The following PLEKHM1 variants were observed in gnomAD, a reference collection of about 807,000 sequenced individuals.
PLEKHM1 encodes pleckstrin homology and RUN domain containing M1.
PLEKHM1 carries 28 observed loss-of-function variants against 94.3 expected under a neutral mutation model. The ratio of observed to expected loss-of-function variants is 0.30; its 90% confidence interval spans 0.22 to 0.41. The LOEUF (loss-of-function observed/expected upper bound fraction) is 0.41, where lower values mean the gene tolerates loss of function less well. Among genes scored for constraint, PLEKHM1 ranks in the 10% least tolerant of loss-of-function variants. The pLI, the probability that PLEKHM1 is intolerant of heterozygous loss-of-function variation, is 1.00. For synonymous variants in PLEKHM1, 424 were observed against 581.2 expected (o/e 0.73, Z 3.89); for missense variants, 907 against 1,358.6 (o/e 0.67, Z 5.22).
chr17:45,485,081 C>A (rs1014122368), intron 1 of PLEKHM1, among the ~76,000 whole-genome samples: 4 of 151,780 alleles, frequency 2.6e-5, no homozygotes, highest in Non-Finnish European at 5.9e-5. Flanking sequence ...TCAGTCCTGA[C>A]TACAGCCCCA....
chr17:45,447,404 C>G (rs1183544113), intron 8 of PLEKHM1, among the ~76,000 whole-genome samples: 1 of 152,282 alleles, frequency 6.6e-6, no homozygotes, highest in African/African-American at 2.4e-5. Flanking sequence ...TAACTCAGCT[C>G]TTCCCATGAC....
At position 45,444,598 on chromosome 17, in the gene PLEKHM1, C is replaced by T. The variant is rs1455367937; in HGVS notation, c.2837+872G>A. On this transcript the variant is annotated intron_variant, in intron 9 of 11. Transcript: ENST00000430334. The surrounding 1 kb of genome is among the most constrained non-coding windows in gnomAD (Gnocchi z 5.0). The stretch of plus-strand genomic sequence containing the variant: ...GATGGGAACATCTGGCCCTCACCTG[C>T]CTCTCGCCACACTCCCCACTTCCCT... 1.5e-4 allele frequency among the ~76,000 whole-genome samples: 23 copies of T among 152,314 alleles called. No homozygotes were observed. The highest frequency in any genetic ancestry group is 2.2e-4 in the Non-Finnish European group (15 of 68,020).
intron 4 of PLEKHM1, 148 bp from the exon 5 acceptor site, chr17:45,468,741 G>C (rs1402982599): frequency 2.4e-6 from 2 of 828,872 alleles, no homozygotes; most frequent in Admixed American, 4.4e-5. Flanking sequence ...TCCCCCTCAC[G>C]CAGTCCTCCT....
In PLEKHM1 at chr17:45,453,438, G is replaced by C; in HGVS notation, c.2414C>G (p.Thr805Ser). 2 of 1,613,084 alleles carry C rather than the reference G, an allele frequency of 1.2e-6. No homozygotes were observed. Among genetic ancestry groups the C allele is most frequent in the Non-Finnish European group, 1.7e-6 (2 of 1,179,520 alleles). The part of the protein sequence containing the change: ...ENCQEVLKFA[T>S]RENGFLLQYL... ...CTGCAGCAGGAAGCCATTCTCCCGG[G>C]TGGCAAATTTCAGCACCTCCTGACA... Residue 805 changes from threonine (T) to serine (S), a missense_variant, in exon 7 of 12, where the codon ACC (threonine) becomes AGC (serine). This residue lies in a region of PLEKHM1 where 254 missense variants were observed against 451.1 expected (regional missense o/e 0.56). Transcript: ENST00000430334. The surrounding 1 kb of genome is among the most constrained non-coding windows in gnomAD (Gnocchi z 4.1).
intron 1 of PLEKHM1, among the ~76,000 whole-genome samples, chr17:45,490,423 TG>T (rs2052277178): frequency 6.8e-6 from 1 of 146,382 alleles, no homozygotes; most frequent in African/African-American, 2.5e-5. Flanking sequence ...GGGCGCGGGC[TG>T]GGGGCTGGAC....
Position 45,481,799 on chromosome 17 carries a change from T to G in PLEKHM1, c.48+638A>C, listed in dbSNP as rs1339407887. Among the ~76,000 whole-genome samples, 4 of 151,928 alleles carry G rather than the reference T, an allele frequency of 2.6e-5. No individual in the cohort carries two copies. In the East Asian group the frequency reaches 7.7e-4, roughly 29 times the overall value. Reference sequence around the variant, plus strand: ...GAGCTACAGTTTCTTTCAAGCAGAGTTCTCTGAGCTGGGAAGCAGCAGTGG... The same window carrying G: ...GAGCTACAGTTTCTTTCAAGCAGAGGTCTCTGAGCTGGGAAGCAGCAGTGG... On this transcript the variant is annotated intron_variant, in intron 2 of 11. Transcript: ENST00000430334.
At position 45,467,329 on chromosome 17, in the gene PLEKHM1, G is replaced by A. The variant is rs577304951; in HGVS notation, c.1308+880C>T. Among the ~76,000 whole-genome samples the A allele has an allele frequency of 2.5e-4, 38 of 152,218 alleles. No individual in the cohort carries two copies. The South Asian group carries it at 6.0e-3, about 24-fold the overall frequency. On this transcript the variant is annotated intron_variant, in intron 5 of 11. Transcript: ENST00000430334. ...TCATACTAAGTTATTGAAATCCAGC[G>A]CTTATTTCACATGGCACATCTCCAT...
chr17:45,489,090 T>C (rs1178570120), intron 1 of PLEKHM1, among the ~76,000 whole-genome samples: 1 of 152,202 alleles, frequency 6.6e-6, no homozygotes, highest in Non-Finnish European at 1.5e-5. Context: ...AATGTCCTTC[T>C]GCCTCAGCTA....
At chr17:45,466,505 G>T (rs529989024) in intron 5 of PLEKHM1, among the ~76,000 whole-genome samples, 8 of 152,220 alleles carry the variant, frequency 5.3e-5, no homozygotes, top group Non-Finnish European at 1.0e-4. Context: ...TACTATTTTT[G>T]TCCAATAAAA....
chr17:45,468,893 TGAGCAGGCTAGCTGTGGGCCTGGA>T (rs928994716), intron 4 of PLEKHM1, among the ~76,000 whole-genome samples: 8 of 152,090 alleles, frequency 5.3e-5, no homozygotes, highest in African/African-American at 1.9e-4. Context: ...ACTGGCATTC[TGAGCAGGCTAGCTGTGGGCCTGGA>T]GAGCTTGCTC....
In PLEKHM1 at chr17:45,445,580, G is replaced by T; in HGVS notation, c.2727C>A (p.Tyr909Ter). ...INLQMVNASL[Y>*]EHVERMHLIG... ...TGAGGTGCATCCGCTCCACATGCTCGTACAGAGACGCGTTCACCATCTGCA... is the reference window on the plus strand; with the variant it reads ...TGAGGTGCATCCGCTCCACATGCTCTTACAGAGACGCGTTCACCATCTGCA... The change falls in exon 9 of 12, where the codon TAC (tyrosine) becomes TAA (stop). Residue 909 changes from tyrosine (Y) to a stop codon, truncating the protein, a stop_gained. Coordinates refer to ENST00000430334, the MANE Select transcript of PLEKHM1 (RefSeq NM_014798.3). LOFTEE classifies it high-confidence loss of function. The surrounding 1 kb of genome is among the most constrained non-coding windows in gnomAD (Gnocchi z 4.2). The T allele has an allele frequency of 3.7e-6, 6 of 1,613,722 alleles. No individual in the cohort carries two copies. Among genetic ancestry groups the T allele is most frequent in the Non-Finnish European group, 5.1e-6 (6 of 1,179,802 alleles).
chr17:45,457,205 G>A (rs556558049), intron 6 of PLEKHM1, among the ~76,000 whole-genome samples: 2 of 150,390 alleles, frequency 1.3e-5, no homozygotes, highest in African/African-American at 4.9e-5. Context: ...AAGCACTGGA[G>A]GACATTAAAC....
At chr17:45,484,549 T>G (rs2052050989) in intron 1 of PLEKHM1, among the ~76,000 whole-genome samples, 1 of 152,210 alleles carries the variant, frequency 6.6e-6, no homozygotes, top group Non-Finnish European at 1.5e-5. Flanking sequence ...TGTCTTTGCC[T>G]GTAACTTCTG....
At chr17:45,487,616 C>T (rs543941688) in intron 1 of PLEKHM1, 126 of 434,818 alleles carry the variant, frequency 2.9e-4, no homozygotes, top group Non-Finnish European at 5.1e-4. Context: ...TAGGAAGGAA[C>T]AGTTCCGGTT....
intron 5 of PLEKHM1, chr17:45,459,780 T>A (rs2051097312): frequency 8.5e-6 from 1 of 117,384 alleles, no homozygotes; most frequent in Admixed American, 9.3e-5. Context: ...GGGAAATCTA[T>A]CCAAATCCAT....
At chr17:45,459,041 T>TC (rs1475027784) in intron 5 of PLEKHM1, among the ~76,000 whole-genome samples, 1 of 151,850 alleles carries the variant, frequency 6.6e-6, no homozygotes, top group Non-Finnish European at 1.5e-5. Context: ...AGCGGGAGAA[T>TC]CGCTTGAGCC....
chr17:45,480,997 G>T (rs1447090085), intron 2 of PLEKHM1, among the ~76,000 whole-genome samples: 1 of 152,184 alleles, frequency 6.6e-6, no homozygotes, highest in African/African-American at 2.4e-5. Flanking sequence ...GCCAAACTGT[G>T]TGCCAAAGTG....
At chr17:45,450,378 T>C (rs572342540) in intron 8 of PLEKHM1, among the ~76,000 whole-genome samples, 1 of 152,354 alleles carries the variant, frequency 6.6e-6, no homozygotes, top group East Asian at 1.9e-4. Context: ...CAGGAAACCA[T>C]CCTCAAACTC....
intron 8 of PLEKHM1, among the ~76,000 whole-genome samples, chr17:45,450,250 T>C (rs2050739603): frequency 6.6e-6 from 1 of 152,218 alleles, no homozygotes; most frequent in South Asian, 2.1e-4. Flanking sequence ...CCTAGCCACC[T>C]GCTCATCCAC....
Sources: gnomAD v4.1 joint callset for allele counts (sites outside exome capture counted in the v4.1 genomes callset) on GRCh38, gnomAD v4.1.1 for gene constraint, gnomAD v4.1.1 regional missense constraint, Gnocchi (gnomAD v3.1) non-coding constraint, MANE v1.5 for transcripts, NCBI Gene and HGNC (gene_info 2026-07-23, HGNC 2026-07-21) for gene names.